SYN2: variants seen among roughly 807,000 people sequenced by gnomAD.
The protein encoded by SYN2 is synapsin II.
Under a neutral mutation model 50.9 loss-of-function variants are expected in SYN2, and 19 were observed. That is an observed-to-expected ratio of 0.37 (90% CI 0.26 to 0.55). The LOEUF is 0.55. Ranked by LOEUF, SYN2 falls within the 20% of genes least tolerant of loss-of-function variation. The pLI is 0.81. For synonymous variants in SYN2, 255 were observed against 224.9 expected (o/e 1.13, Z -1.20); for missense variants, 587 against 576.4 (o/e 1.02, Z -0.19).
intron 1 of SYN2, among the ~76,000 whole-genome samples, chr3:12,134,018 AATAG>A (rs1468629342): frequency 1.3e-5 from 2 of 152,206 alleles, no homozygotes; most frequent in Non-Finnish European, 2.9e-5. Flanking sequence ...AGTTTTGAAA[AATAG>A]ATAGTGGTGG....
chr3:12,118,084 T>C (rs1306410031), intron 1 of SYN2, among the ~76,000 whole-genome samples: 1 of 152,200 alleles, frequency 6.6e-6, no homozygotes, highest in Non-Finnish European at 1.5e-5. Context: ...GAAACAGCAG[T>C]GACCCTTTAG....
intron 1 of SYN2, among the ~76,000 whole-genome samples, chr3:12,088,388 A>G (rs370149312): frequency 2.0e-5 from 3 of 152,228 alleles, no homozygotes; most frequent in East Asian, 1.9e-4. Context: ...TAGAATCACT[A>G]TTACCAAAAA....
intron 1 of SYN2, among the ~76,000 whole-genome samples, chr3:12,010,345 G>A (rs1207790871): frequency 1.4e-5 from 2 of 146,932 alleles, no homozygotes; most frequent in Non-Finnish European, 2.9e-5. Flanking sequence ...TAAATAGGAA[G>A]TTTTCCAGAT....
chr3:12,158,559 TCTC>T, intron 5 of SYN2: 1 of 1,267,432 alleles, frequency 7.9e-7, no homozygotes, highest in East Asian at 2.6e-5. Context: ...GCCTGGTCCT[TCTC>T]CACCCATCAG....
intron 1 of SYN2, among the ~76,000 whole-genome samples, chr3:12,094,277 C>T (rs1278377887): frequency 1.3e-5 from 2 of 152,248 alleles, no homozygotes; most frequent in South Asian, 2.1e-4. Flanking sequence ...TTGTTGATTT[C>T]GTAATCCTAG....
At chr3:12,054,214 G>A (rs898592825) in intron 1 of SYN2, among the ~76,000 whole-genome samples, 4 of 152,120 alleles carry the variant, frequency 2.6e-5, no homozygotes, top group South Asian at 2.1e-4. Flanking sequence ...AGGGAAAGGG[G>A]CTCTATCTGT....
At chr3:12,141,368 T>C (rs1697014348) in intron 2 of SYN2, among the ~76,000 whole-genome samples, 1 of 152,216 alleles carries the variant, frequency 6.6e-6, no homozygotes, top group Admixed American at 6.5e-5. Flanking sequence ...ACTGACTGTT[T>C]TCAAACAACT....
At chr3:12,056,164 GTTTTGTTTT>G (rs1694982948) in intron 1 of SYN2, among the ~76,000 whole-genome samples, 1 of 149,282 alleles carries the variant, frequency 6.7e-6, no homozygotes, top group East Asian at 2.0e-4. Flanking sequence ...ACAAAGTTGT[GTTTTGTTTT>G]TTTTTTTTTA....
chr3:12,186,859 C>CT (rs1698351138), intron 11 of SYN2, among the ~76,000 whole-genome samples: 2 of 152,182 alleles, frequency 1.3e-5, no homozygotes, highest in African/African-American at 4.8e-5. Context: ...AGGGCTTACA[C>CT]TTTTTAAAGT....
chr3:12,010,224 G>A (rs1693888057), intron 1 of SYN2, among the ~76,000 whole-genome samples: 1 of 152,202 alleles, frequency 6.6e-6, no homozygotes, highest in Non-Finnish European at 1.5e-5. Context: ...CCATTTTTAA[G>A]TTAGCGTTCC....
intron 1 of SYN2, among the ~76,000 whole-genome samples, chr3:12,079,555 A>G (rs975665095): frequency 6.6e-6 from 1 of 152,218 alleles, no homozygotes; most frequent in Non-Finnish European, 1.5e-5. Flanking sequence ...ATCTATTGAG[A>G]TAATCATGTG....
intron 1 of SYN2, chr3:12,070,205 C>T (rs928037369): frequency 4.9e-5 from 19 of 387,832 alleles, no homozygotes; most frequent in African/African-American, 4.0e-4. Flanking sequence ...CTCTGCCGCC[C>T]TGCTCCTCCG....
chr3:12,129,231 G>A (rs532281570), intron 1 of SYN2, among the ~76,000 whole-genome samples: 3 of 152,212 alleles, frequency 2.0e-5, no homozygotes, highest in Admixed American at 6.5e-5. Flanking sequence ...TGTGAGCTGA[G>A]ACTTACACAT....
At chr3:12,076,361 A>T (rs756765349) in intron 1 of SYN2, among the ~76,000 whole-genome samples, 2 of 152,008 alleles carry the variant, frequency 1.3e-5, no homozygotes, top group African/African-American at 4.8e-5. Flanking sequence ...ACATAAAGTA[A>T]TTGTTTTTTG....
At position 12,145,845 on chromosome 3, in the gene SYN2, G is replaced by A. The variant is rs182915023; in HGVS notation, c.684+10G>A. The stretch of plus-strand genomic sequence containing the variant: ...TGACAAGCCATGGGTGGTGAGTGAG[G>A]CCCCCTTCCCCCAAGTAAAAGGGTA... On this transcript the variant is annotated intron_variant, in intron 4 of 12. Coordinates refer to ENST00000621198, the MANE Select transcript of SYN2 (RefSeq NM_133625.6). 6.2e-7 allele frequency: 1 copy of A among 1,613,450 alleles called. No homozygotes were observed. Among genetic ancestry groups the A allele is most frequent in the Non-Finnish European group, 8.5e-7 (1 of 1,179,682 alleles).
intron 5 of SYN2, chr3:12,157,443 G>T: frequency 6.2e-7 from 1 of 1,614,168 alleles, no homozygotes; most frequent in Non-Finnish European, 8.5e-7. Flanking sequence ...GTCTGCACTG[G>T]CCGGAACTAC....
intron 2 of SYN2, 95 bp downstream of exon 2, chr3:12,140,803 G>C: frequency 1.4e-6 from 1 of 714,696 alleles, no homozygotes; most frequent in East Asian, 2.7e-5. Flanking sequence ...GTGGAATACT[G>C]TGTCCATCAT....
intron 10 of SYN2, among the ~76,000 whole-genome samples, chr3:12,177,445 T>C (rs941342187): frequency 1.3e-5 from 2 of 152,186 alleles, no homozygotes; most frequent in African/African-American, 4.8e-5. Context: ...TGAGGTCTCC[T>C]GAGTGCAAGA....
rs1159322309 is a variant in SYN2, at chr3:12,140,686, A to G, written c.413A>G (p.Asp138Gly). ...KCFRGKKVLG[D>G]YDIKVEQAEF... ...TTTCGGGGCAAAAAAGTCCTTGGAG[A>G]TTATGATATCAAGGTGGAACAGGTA... is the stretch of plus-strand genomic sequence containing the variant. Residue 138 changes from aspartate to glycine, a missense_variant, in exon 2 of 13, where the codon GAT becomes GGT. Asp to Gly is a moderately conservative substitution (Grantham distance 94). Transcript: ENST00000621198. The G allele has an allele frequency of 1.3e-6, 1 of 764,352 alleles. No individual in the cohort carries two copies. Among genetic ancestry groups the G allele is most frequent in the Non-Finnish European group, 2.4e-6 (1 of 409,590 alleles). 47.3% of individuals were successfully genotyped at this position (764,352 alleles called of 1,614,324 possible).
Sources: allele counts gnomAD v4.1 joint callset (sites outside exome capture counted in the v4.1 genomes callset), GRCh38; gene constraint gnomAD v4.1.1; transcripts MANE v1.5; gene names NCBI Gene and HGNC (gene_info 2026-07-23, HGNC 2026-07-21).